ADAMTS19: variants seen among roughly 807,000 people sequenced by gnomAD.
ADAMTS19 encodes the protein A disintegrin and metalloproteinase with thrombospondin motifs 19.
Under a neutral mutation model 153.3 loss-of-function variants are expected in ADAMTS19, and 93 were observed. The observed-to-expected ratio is 0.61, with a 90% CI of 0.51 to 0.72. The LOEUF (loss-of-function observed/expected upper bound fraction) is 0.72. Ranked by LOEUF, ADAMTS19 falls within the 30% of genes least tolerant of loss-of-function variation. The probability of loss-of-function intolerance (pLI) is 0.00; values close to 1 mark genes in which losing one functional copy is unlikely to be tolerated. For synonymous variants in ADAMTS19, 600 were observed against 556.6 expected (o/e 1.08, Z -1.10); for missense variants, 1,482 against 1,552.1 (o/e 0.95, Z 0.76).
intron 21 of ADAMTS19, among the ~76,000 whole-genome samples, chr5:129,707,155 GCTGACTTTTTGCATATGTGGGTT>G (rs2127172794): frequency 6.6e-6 from 1 of 152,278 alleles, no homozygotes; most frequent in South Asian, 2.1e-4. Context: ...TTTAAGGAGG[GCTGACTTTTTGCATATGTGGGTT>G]CTGCAGGACC....
intron 11 of ADAMTS19, among the ~76,000 whole-genome samples, chr5:129,644,410 A>G (rs11740723): frequency 0.081 from 12,283 of 152,266 alleles, 598 homozygotes; most frequent in Middle Eastern, 0.15. Flanking sequence ...TAACCAAGAG[A>G]CAAAGCTTGG....
chr5:129,653,849 C>A (rs927396892), intron 13 of ADAMTS19, among the ~76,000 whole-genome samples: 2 of 152,028 alleles, frequency 1.3e-5, no homozygotes, highest in African/African-American at 4.8e-5. Context: ...TAAATACTAG[C>A]ACATTGAAAT....
chr5:129,500,078 G>A (rs955746249), intron 2 of ADAMTS19, among the ~76,000 whole-genome samples: 1 of 151,998 alleles, frequency 6.6e-6, no homozygotes, highest in South Asian at 2.1e-4. Flanking sequence ...ACAAAATTCT[G>A]GATTTAATCT....
At chr5:129,565,226 T>C (rs1383497028) in intron 7 of ADAMTS19, among the ~76,000 whole-genome samples, 1 of 152,248 alleles carries the variant, frequency 6.6e-6, no homozygotes, top group Non-Finnish European at 1.5e-5. Context: ...ATTTGCTACA[T>C]GTATTAGAAG....
intron 2 of ADAMTS19, among the ~76,000 whole-genome samples, chr5:129,500,765 A>G (rs1333172166): frequency 1.3e-5 from 2 of 152,098 alleles, no homozygotes; most frequent in African/African-American, 2.4e-5. Context: ...CTTGTTCACT[A>G]CTGTTCCCTG....
intron 2 of ADAMTS19, among the ~76,000 whole-genome samples, chr5:129,487,392 G>A (rs891824292): frequency 6.6e-6 from 1 of 151,808 alleles, no homozygotes; most frequent in Non-Finnish European, 1.5e-5. Context: ...TAATAATATT[G>A]CCCAAAAATA....
chr5:129,465,369 T>C (rs1749820830), intron 2 of ADAMTS19, among the ~76,000 whole-genome samples: 1 of 141,408 alleles, frequency 7.1e-6, no homozygotes. Context: ...GCTATATTAG[T>C]ATATACCTGG....
intron 12 of ADAMTS19, among the ~76,000 whole-genome samples, chr5:129,648,148 T>A (rs1043413502): frequency 6.6e-6 from 1 of 152,166 alleles, no homozygotes; most frequent in Non-Finnish European, 1.5e-5. Flanking sequence ...AATATTTCAA[T>A]AAACAGGAAG....
At chr5:129,527,269 T>C (rs958155937) in intron 4 of ADAMTS19, among the ~76,000 whole-genome samples, 1 of 151,846 alleles carries the variant, frequency 6.6e-6, no homozygotes, top group African/African-American at 2.4e-5. Flanking sequence ...AAGGCAAATG[T>C]CCATTTATAA....
At chr5:129,536,809 G>A (rs912601562) in intron 6 of ADAMTS19, among the ~76,000 whole-genome samples, 4 of 151,390 alleles carry the variant, frequency 2.6e-5, no homozygotes, top group African/African-American at 9.7e-5. Context: ...ACTATCACAA[G>A]GACAAAAACA....
intron 21 of ADAMTS19, among the ~76,000 whole-genome samples, chr5:129,706,304 T>C (rs1756148355): frequency 6.6e-6 from 1 of 152,218 alleles, no homozygotes; most frequent in Admixed American, 6.5e-5. Context: ...CCGCAGTGGC[T>C]CACGCCTGTA....
rs538375117 is a variant in ADAMTS19 at position 129,660,018 on chromosome 5, G to T, written c.2425+1281G>T. Among the ~76,000 whole-genome samples, 7 of 152,216 alleles carry T rather than the reference G, an allele frequency of 4.6e-5. No individual in the cohort carries two copies. In the South Asian group the frequency reaches 1.5e-3, roughly 32 times the overall value. ...AATTAATTTTAATACAAAGAACAGG[G>T]CATTTATGTTTGAGTAATCGAGAAA... On this transcript the variant is annotated intron_variant, in intron 15 of 22. Coordinates refer to ENST00000274487, the MANE Select transcript of ADAMTS19 (RefSeq NM_133638.6).
chr5:129,569,663 AAGAT>A (rs1458240727), intron 7 of ADAMTS19, among the ~76,000 whole-genome samples: 2 of 152,140 alleles, frequency 1.3e-5, no homozygotes, highest in South Asian at 2.1e-4. Context: ...TAATTACAAA[AAGAT>A]AGCAGGAAAA....
chr5:129,492,218 G>T (rs1010539124), intron 2 of ADAMTS19, among the ~76,000 whole-genome samples: 1 of 152,130 alleles, frequency 6.6e-6, no homozygotes, highest in Non-Finnish European at 1.5e-5. Flanking sequence ...TAAATGTGCG[G>T]CAGATCTCCT....
At chr5:129,491,007 T>G (rs1383706694) in intron 2 of ADAMTS19, among the ~76,000 whole-genome samples, 2 of 152,064 alleles carry the variant, frequency 1.3e-5, no homozygotes, top group African/African-American at 2.4e-5. Context: ...CCCCTCAGTG[T>G]TTTTTCTGAG....
At chr5:129,507,071 A>G (rs1751290227) in intron 2 of ADAMTS19, among the ~76,000 whole-genome samples, 1 of 152,012 alleles carries the variant, frequency 6.6e-6, no homozygotes, top group Non-Finnish European at 1.5e-5. Flanking sequence ...AAATTTTATA[A>G]GGTTTATTGT....
intron 7 of ADAMTS19, among the ~76,000 whole-genome samples, chr5:129,558,056 A>G (rs1395764685): frequency 9.5e-6 from 1 of 105,120 alleles, no homozygotes; most frequent in Non-Finnish European, 2.0e-5. Flanking sequence ...AAACACATTC[A>G]TGATAAAAAC....
In ADAMTS19 at chr5:129,644,575, A is replaced by T. The variant is rs539438157; in HGVS notation, c.1872+2615A>T. Among the ~76,000 whole-genome samples, 5 of 152,312 alleles carry T rather than the reference A, an allele frequency of 3.3e-5. No homozygotes were observed. The East Asian group carries it at 7.7e-4, about 23-fold the overall frequency. On this transcript the variant is annotated intron_variant, in intron 11 of 22. Transcript: ENST00000274487. Reference sequence around the variant, plus strand: ...GGTTTATATACTCTTTATGGACAGCATAATGCAAATTGAAAACAACTTGTT... The same window carrying T: ...GGTTTATATACTCTTTATGGACAGCTTAATGCAAATTGAAAACAACTTGTT...
chr5:129,530,245 C>T (rs531556327), intron 6 of ADAMTS19, among the ~76,000 whole-genome samples: 1 of 152,186 alleles, frequency 6.6e-6, no homozygotes, highest in African/African-American at 2.4e-5. Flanking sequence ...TAGAAACTGA[C>T]CTCAAGATAG....
Sources: allele counts gnomAD v4.1 joint callset (sites outside exome capture counted in the v4.1 genomes callset), GRCh38; gene constraint gnomAD v4.1.1; transcripts MANE v1.5; gene names NCBI Gene and HGNC (gene_info 2026-07-23, HGNC 2026-07-21).